Variants in NEGR1 observed in about 807,000 individuals in gnomAD.
NEGR1 encodes the protein neuronal growth regulator 1.
In NEGR1, 10 loss-of-function variants were observed where a neutral mutation model predicts 40.9. The ratio of observed to expected loss-of-function variants is 0.24; its 90% CI spans 0.15 to 0.42. NEGR1 has a LOEUF of 0.42. Ranked by LOEUF, NEGR1 falls within the 10% of genes least tolerant of loss-of-function variation. The pLI is 1.00. For synonymous variants in NEGR1, 185 were observed against 166.8 expected (o/e 1.11, Z -0.84); for missense variants, 352 against 438.9 (o/e 0.80, Z 1.77).
At chr1:71,793,779 A>G (rs904922704) in intron 2 of NEGR1, among the ~76,000 whole-genome samples, 6 of 152,088 alleles carry the variant, frequency 3.9e-5, no homozygotes, top group African/African-American at 1.4e-4. Flanking sequence ...TAATACATCA[A>G]TACAGATTTA....
intron 6 of NEGR1, among the ~76,000 whole-genome samples, chr1:71,566,138 C>T (rs930102291): frequency 7.2e-5 from 11 of 151,972 alleles, no homozygotes; most frequent in African/African-American, 2.7e-4. Context: ...TCTTCTGGCT[C>T]CAGAACTATA....
intron 6 of NEGR1, among the ~76,000 whole-genome samples, chr1:71,529,572 T>G (rs983342253): frequency 6.6e-6 from 1 of 151,224 alleles, no homozygotes; most frequent in Admixed American, 6.6e-5. Flanking sequence ...AACATAAATA[T>G]TAAAATACAC....
chr1:71,824,122 A>G (rs551112033), intron 2 of NEGR1, among the ~76,000 whole-genome samples: 1 of 152,042 alleles, frequency 6.6e-6, no homozygotes, highest in Admixed American at 6.6e-5. Context: ...TTTCCAGAGG[A>G]TACATTGTGG....
chr1:71,810,437 C>A (rs1225238602), intron 2 of NEGR1, among the ~76,000 whole-genome samples: 1 of 151,940 alleles, frequency 6.6e-6, no homozygotes. Flanking sequence ...TAATTATAAC[C>A]ATGAATAGAA....
chr1:71,619,895 T>C (rs1650557373), intron 4 of NEGR1, among the ~76,000 whole-genome samples: 1 of 152,106 alleles, frequency 6.6e-6, no homozygotes, highest in Non-Finnish European at 1.5e-5. Flanking sequence ...AGATTCATTT[T>C]CTTAGTTACT....
Position 72,147,448 on chromosome 1 carries a change from C to A in NEGR1, c.176+134871G>T, listed in dbSNP as rs570728756. Among the ~76,000 whole-genome samples, 7 of 152,266 alleles carry A rather than the reference C, an allele frequency of 4.6e-5. No individual in the cohort carries two copies. In the East Asian group the frequency reaches 5.8e-4, roughly 13 times the overall value. On this transcript the variant is annotated intron_variant, in intron 1 of 6. Coordinates refer to ENST00000357731, the MANE Select transcript of NEGR1 (RefSeq NM_173808.3). ...CCAGCCCCCATGATTCAACTACCTA[C>A]ACCTAGGTCCCTCCCAGGACACATG...
intron 1 of NEGR1, among the ~76,000 whole-genome samples, chr1:72,265,494 T>C (rs1655608543): frequency 6.6e-6 from 1 of 150,950 alleles, no homozygotes. Context: ...TACTACAGAA[T>C]AACAAGTCAA....
intron 1 of NEGR1, among the ~76,000 whole-genome samples, chr1:72,008,852 A>G (rs751338909): frequency 6.6e-6 from 1 of 152,064 alleles, no homozygotes; most frequent in Non-Finnish European, 1.5e-5. Context: ...GCATACTCCT[A>G]GATTACACCA....
chr1:71,965,313 G>A (rs1646201321), intron 1 of NEGR1, among the ~76,000 whole-genome samples: 1 of 152,138 alleles, frequency 6.6e-6, no homozygotes, highest in Non-Finnish European at 1.5e-5. Context: ...TCATAAACAA[G>A]ACACTGCATG....
At chr1:72,071,854 C>T (rs1288556646) in intron 1 of NEGR1, among the ~76,000 whole-genome samples, 1 of 152,150 alleles carries the variant, frequency 6.6e-6, no homozygotes, top group Non-Finnish European at 1.5e-5. Flanking sequence ...TAGTCCTTCT[C>T]TCCCCCAGTA....
chr1:71,537,275 G>A (rs974953006), intron 6 of NEGR1, among the ~76,000 whole-genome samples: 8 of 151,690 alleles, frequency 5.3e-5, no homozygotes, highest in African/African-American at 1.7e-4. Context: ...GAGTAGAGAT[G>A]AGAGAAATAC....
intron 6 of NEGR1, among the ~76,000 whole-genome samples, chr1:71,432,100 T>C (rs1025346987): frequency 3.3e-5 from 5 of 151,942 alleles, no homozygotes; most frequent in African/African-American, 1.2e-4. Flanking sequence ...AGAGGGAACT[T>C]TGGATTTTAT....
At chr1:71,974,526 G>A (rs1157450233) in intron 1 of NEGR1, among the ~76,000 whole-genome samples, 2 of 151,516 alleles carry the variant, frequency 1.3e-5, no homozygotes, top group Non-Finnish European at 2.9e-5. Flanking sequence ...ATAATTAAAC[G>A]GCACTAGTTT....
At chr1:71,994,517 G>A (rs543337643) in intron 1 of NEGR1, among the ~76,000 whole-genome samples, 84 of 147,942 alleles carry the variant, frequency 5.7e-4, no homozygotes, top group African/African-American at 2.1e-3. Context: ...GACAGAGGGA[G>A]ACTCTGTCTC....
At chr1:71,528,597 A>G (rs1325853093) in intron 6 of NEGR1, among the ~76,000 whole-genome samples, 3 of 151,366 alleles carry the variant, frequency 2.0e-5, no homozygotes, top group Admixed American at 2.0e-4. Context: ...ATCAGATAGC[A>G]TTTATTCAAT....
At chr1:71,500,428 A>C (rs1463600320) in intron 6 of NEGR1, among the ~76,000 whole-genome samples, 1 of 152,074 alleles carries the variant, frequency 6.6e-6, no homozygotes, top group Non-Finnish European at 1.5e-5. Flanking sequence ...GTGAAAATTC[A>C]GTTTTGGATA....
At chr1:71,744,500 T>C (rs889005486) in intron 3 of NEGR1, among the ~76,000 whole-genome samples, 4 of 152,062 alleles carry the variant, frequency 2.6e-5, no homozygotes, top group African/African-American at 7.2e-5. Flanking sequence ...TTGACTTTCA[T>C]GGAGCCAATA....
intron 6 of NEGR1, among the ~76,000 whole-genome samples, chr1:71,571,787 CAAAAAAAAAA>C (rs34844215): frequency 9.4e-6 from 1 of 106,520 alleles, no homozygotes; most frequent in Non-Finnish European, 1.8e-5. Context: ...GCCCCTGTCT[CAAAAAAAAAA>C]AAAAAAAAAA....
chr1:71,661,303 G>A (rs1369445323), intron 4 of NEGR1, among the ~76,000 whole-genome samples: 1 of 152,182 alleles, frequency 6.6e-6, no homozygotes, highest in Non-Finnish European at 1.5e-5. Context: ...ACAGGATGTG[G>A]AGAAATTGGA....
Sources: allele counts gnomAD v4.1 joint callset (sites outside exome capture counted in the v4.1 genomes callset), GRCh38; gene constraint gnomAD v4.1.1; transcripts MANE v1.5; gene names NCBI Gene and HGNC (gene_info 2026-07-23, HGNC 2026-07-21).